TPRA1: variants seen among roughly 807,000 people sequenced by gnomAD.
The protein encoded by TPRA1 is transmembrane protein adipocyte-associated 1.
Under a neutral mutation model 40.1 loss-of-function variants are expected in TPRA1, and 28 were observed. That is an observed-to-expected ratio of 0.70 (90% CI 0.52 to 0.96). The LOEUF (loss-of-function observed/expected upper bound fraction) is 0.96, where lower values mean the gene tolerates loss of function less well. Among genes scored for constraint, TPRA1 ranks in the 40% least tolerant of loss-of-function variants. TPRA1 has a pLI of 0.00. For missense variants in TPRA1, 441 were observed against 482.6 expected (o/e 0.91, Z 0.81); for synonymous variants, 219 against 209.7 (o/e 1.04, Z -0.38).
At chr3:127,583,003 G>A (rs533064523) in intron 1 of TPRA1, among the ~76,000 whole-genome samples, 197 of 151,376 alleles carry the variant, frequency 1.3e-3, no homozygotes, top group Non-Finnish European at 2.1e-3. Flanking sequence ...AAAATTAGCC[G>A]GGCATGGTGG....
chr3:127,575,186 C>G lies in TPRA1; in HGVS notation c.853G>C (p.Gly285Arg). 2 of 1,613,718 alleles carry G rather than the reference C, an allele frequency of 1.2e-6. No individual in the cohort carries two copies. The highest frequency in any genetic ancestry group is 1.1e-5 in the South Asian group (1 of 91,084). ...GGGCGCCGGCGGCCACAGACTCACC[C>G]GAAGAAGCCCCGGAGGAAAGCCACG... ...IYVAFLRGFF[G>R]SEPKILFSYK... Residue 285 changes from glycine to arginine, a missense_variant and splice_region_variant, in exon 10 of 11, where the codon GGC becomes CGC. Coordinates refer to ENST00000355552, the MANE Select transcript of TPRA1 (RefSeq NM_001136053.4).
intron 1 of TPRA1, among the ~76,000 whole-genome samples, chr3:127,586,319 G>A (rs1227066325): frequency 6.6e-6 from 1 of 152,118 alleles, no homozygotes; most frequent in Non-Finnish European, 1.5e-5. Context: ...AGATTCTACA[G>A]CCCTCTCCTC....
intron 2 of TPRA1, 58 bp from the exon 3 acceptor site, chr3:127,579,930 C>T (rs1327220905): frequency 1.2e-6 from 2 of 1,609,298 alleles, no homozygotes; most frequent in Non-Finnish European, 1.7e-6. Flanking sequence ...ACCCCCTCTC[C>T]AAGACACAAT....
chr3:127,575,690 T>A, intron 8 of TPRA1, 59 bp downstream of exon 8: 3 of 1,580,894 alleles, frequency 1.9e-6, no homozygotes. Context: ...AGCTCTACAG[T>A]GGCCCGGTAG....
At chr3:127,584,697 C>CA in intron 1 of TPRA1, among the ~76,000 whole-genome samples, 1 of 152,188 alleles carries the variant, frequency 6.6e-6, no homozygotes, top group East Asian at 1.9e-4. Context: ...GAGTTTTATC[C>CA]AACTGGACAC....
At position 127,575,226 on chromosome 3, in the gene TPRA1, G is replaced by A. The variant is rs1385402843; in HGVS notation, c.813C>T (p.Phe271=). 18 of 1,613,934 alleles carry A rather than the reference G, an allele frequency of 1.1e-5. No homozygotes were observed. Among genetic ancestry groups the A allele is most frequent in the Admixed American group, 5.0e-5 (3 of 60,002 alleles). Residue 271 remains phenylalanine (F), a synonymous_variant, in exon 10 of 11, where the codon TTC becomes TTT. Coordinates refer to ENST00000355552, the MANE Select transcript of TPRA1 (RefSeq NM_001136053.4). ...DATTFLYFSF[F]APLIYVAFLR... is the part of the protein sequence containing the mutation. ...GGAAAGCCACGTAGATGAGCGGAGCGAAGAAGCTGAAGTACAGGAAGGTTG... is the reference window on the plus strand; with the variant it reads ...GGAAAGCCACGTAGATGAGCGGAGCAAAGAAGCTGAAGTACAGGAAGGTTG...
At position 127,576,587 on chromosome 3, in the gene TPRA1, A is replaced by G; in HGVS notation, c.498+30T>C. ...GTGGGTGCCTGGTGCCCTGACTCCT[A>G]GCGTCCCCTGCCCACACTCACCCTC... On this transcript the variant is annotated intron_variant, in intron 6 of 10. Transcript: ENST00000355552. The surrounding 1 kb of genome is among the most constrained non-coding windows in gnomAD (Gnocchi z 4.6). 1 of 1,553,336 alleles carries G rather than the reference A, an allele frequency of 6.4e-7. No individual in the cohort carries two copies. The highest frequency in any genetic ancestry group is 1.9e-5 in the Admixed American group (1 of 53,572).
intron 3 of TPRA1, among the ~76,000 whole-genome samples, chr3:127,578,780 T>C (rs896374106): frequency 3.3e-5 from 5 of 152,054 alleles, no homozygotes; most frequent in Admixed American, 2.6e-4. Flanking sequence ...CCCACTCCTC[T>C]GACTGGGAAG....
chr3:127,574,242 A>T (rs1223247445), intron 10 of TPRA1, among the ~76,000 whole-genome samples: 1 of 152,196 alleles, frequency 6.6e-6, no homozygotes, highest in East Asian at 1.9e-4. Flanking sequence ...CAATTTACAA[A>T]AAGGAGCCTG....
chr3:127,597,812 C>CTT (rs752283945), intron 1 of TPRA1, among the ~76,000 whole-genome samples: 7 of 145,260 alleles, frequency 4.8e-5, no homozygotes, highest in African/African-American at 1.5e-4. Flanking sequence ...CCTCTGCTGT[C>CTT]TTTTTTTTTT....
At position 127,573,242 on chromosome 3, in the gene TPRA1, G is replaced by A. The variant is rs552286366; in HGVS notation, c.*279C>T. ...GGTGCAGAGAAGGAGGGTGCCCTCA[G>A]CCAACCTTGCCAAGCATGGCCCTGG... On this transcript the variant is annotated 3_prime_UTR_variant, in exon 11 of 11. Coordinates refer to ENST00000355552, the MANE Select transcript of TPRA1 (RefSeq NM_001136053.4). 8 of 384,926 alleles carry A rather than the reference G, an allele frequency of 2.1e-5. No individual in the cohort carries two copies. In the East Asian group the frequency reaches 3.2e-4, roughly 16 times the overall value. The allele number at this position is 384,926 out of a possible 1,614,324, so 23.8% of individuals were successfully genotyped here.
upstream of TPRA1, among the ~76,000 whole-genome samples, chr3:127,592,314 G>A (rs1405155579): frequency 6.7e-6 from 1 of 150,090 alleles, no homozygotes; most frequent in Non-Finnish European, 1.5e-5. Context: ...GTATCGGTTC[G>A]AACCCTGCGA....
At chr3:127,593,041 A>G (rs1416664287), upstream of TPRA1, among the ~76,000 whole-genome samples, 1 of 152,132 alleles carries the variant, frequency 6.6e-6, no homozygotes, top group Non-Finnish European at 1.5e-5. Flanking sequence ...GCCTTTTGAG[A>G]CTTGGAGAAT....
At chr3:127,575,126 T>C (rs1286822771) in intron 10 of TPRA1, 59 bp downstream of exon 10, 4 of 1,569,930 alleles carry the variant, frequency 2.5e-6, no homozygotes, top group African/African-American at 1.4e-5. Context: ...ACACCCATGC[T>C]GGAAGAAGGC....
chr3:127,575,300 G>T, intron 9 of TPRA1, 35 bp from the exon 10 acceptor site: 1 of 1,604,558 alleles, frequency 6.2e-7, no homozygotes, highest in Non-Finnish European at 8.5e-7. Flanking sequence ...GGGCCTCCTA[G>T]CCCCATGCTG....
chr3:127,583,624 C>A (rs895561280), intron 1 of TPRA1, among the ~76,000 whole-genome samples: 2 of 151,706 alleles, frequency 1.3e-5, no homozygotes, highest in African/African-American at 4.8e-5. Context: ...AAGATGGCTC[C>A]TTCCCTACTG....
intron 2 of TPRA1, 49 bp from the exon 3 acceptor site, chr3:127,579,921 C>T: frequency 6.2e-7 from 1 of 1,609,854 alleles, no homozygotes; most frequent in Non-Finnish European, 8.5e-7. Flanking sequence ...CACATATGCA[C>T]CCCCTCTCCA....
chr3:127,575,353 G>A (rs757585189), intron 9 of TPRA1, 50 bp downstream of exon 9: 2 of 1,572,282 alleles, frequency 1.3e-6, no homozygotes, highest in Admixed American at 1.9e-5. Flanking sequence ...ACACCCTGCC[G>A]CCCACTTCCC....
At chr3:127,588,328 G>C (rs1460280717) in intron 1 of TPRA1, among the ~76,000 whole-genome samples, 3 of 152,082 alleles carry the variant, frequency 2.0e-5, no homozygotes, top group Admixed American at 6.5e-5. Flanking sequence ...GCTGCTACTT[G>C]ATCCAGCAAC....
Sources: gnomAD v4.1 joint callset for allele counts (sites outside exome capture counted in the v4.1 genomes callset) on GRCh38, gnomAD v4.1.1 for gene constraint, Gnocchi (gnomAD v3.1) non-coding constraint, MANE v1.5 for transcripts, NCBI Gene and HGNC (gene_info 2026-07-23, HGNC 2026-07-21) for gene names.